The following CD83 variants were observed in gnomAD, a reference collection of about 807,000 sequenced individuals.
CD83 encodes CD83 antigen.
In CD83, 22 loss-of-function variants were observed where a neutral mutation model predicts 24.6. The ratio of observed to expected loss-of-function variants is 0.90; its 90% CI spans 0.64 to 1.28. CD83 has a LOEUF of 1.28. CD83 is among the 50% of genes most tolerant of loss of function. The probability of loss-of-function intolerance (pLI) is 0.00; values close to 1 mark genes in which losing one functional copy is unlikely to be tolerated. For missense variants in CD83, 253 were observed against 252.8 expected, an observed-to-expected ratio of 1.00 and a Z score of -0.01; for synonymous variants, 101 against 103.5, an observed-to-expected ratio of 0.98 and a Z score of 0.14.
chr6:14,131,584 A>G lies in CD83; in HGVS notation c.218A>G (p.Tyr73Cys), dbSNP rs1757901554. The G allele has an allele frequency of 4.3e-6, 7 of 1,614,094 alleles. No individual in the cohort carries two copies. The highest frequency in any genetic ancestry group is 1.3e-5 in the African/African-American group (1 of 74,918). The change falls in exon 3 of 5, where the codon TAT becomes TGT. Residue 73 changes from tyrosine (Y) to cysteine (C), a missense_variant. Physicochemically the swap from Tyr to Cys is radical, Grantham distance 194. Transcript: ENST00000379153. ...GAAGACCACCTCAGGGGACAGCACT[A>G]TCATCAGAAGGGGCAAAATGGTTCT... ...PQEDHLRGQH[Y>C]HQKGQNGSFD...
rs1419466894 is a variant in CD83, at chr6:14,129,451, T to A, written c.154-2069T>A. ...AAATGGTGCTAAATTAGATGTGTTC[T>A]GGAATCAGATGGACACTGTTAGTTT... On this transcript the variant is annotated intron_variant, in intron 2 of 4. Transcript: ENST00000379153. The surrounding 1 kb of genome is among the most constrained non-coding windows in gnomAD (Gnocchi z 4.3). 1.3e-5 allele frequency among the ~76,000 whole-genome samples: 2 copies of A among 152,236 alleles called. No individual in the cohort carries two copies. Among genetic ancestry groups the A allele is most frequent in the African/African-American group, 4.8e-5 (2 of 41,458 alleles).
Position 14,117,876 on chromosome 6 carries a change from T to C in CD83, c.37+28T>C. 1.3e-6 allele frequency: 2 copies of C among 1,577,150 alleles called. No individual in the cohort carries two copies. Among genetic ancestry groups the C allele is most frequent in the Non-Finnish European group, 1.7e-6 (2 of 1,167,860 alleles). On this transcript the variant is annotated intron_variant, in intron 1 of 4. Transcript: ENST00000379153. The surrounding 1 kb of genome is among the most constrained non-coding windows in gnomAD (Gnocchi z 4.6). ...AGGGCTCGCGAGCGCCTGTCTCGCC[T>C]GTCGCCCCCCGCCCCTCCACGACAC...
chr6:14,133,833 G>A (rs763051467), intron 4 of CD83, 78 bp downstream of exon 4: 24 of 946,686 alleles, frequency 2.5e-5, no homozygotes, highest in Non-Finnish European at 3.7e-5. Flanking sequence ...TGCAGATAGT[G>A]CGAATCATTT....
chr6:14,130,160 A>G (rs1431540282), intron 2 of CD83, among the ~76,000 whole-genome samples: 7 of 152,190 alleles, frequency 4.6e-5, no homozygotes, highest in Non-Finnish European at 1.0e-4. Flanking sequence ...GCTGGTCCCC[A>G]GCCAACCAGC....
At chr6:14,121,081 C>T (rs547567233) in intron 2 of CD83, among the ~76,000 whole-genome samples, 1 of 152,326 alleles carries the variant, frequency 6.6e-6, no homozygotes, top group Admixed American at 6.5e-5. Context: ...TCATCCCTTC[C>T]TCCCTTATAC....
intron 2 of CD83, among the ~76,000 whole-genome samples, chr6:14,126,703 A>C (rs1483161526): frequency 6.6e-6 from 1 of 152,254 alleles, no homozygotes; most frequent in Non-Finnish European, 1.5e-5. Context: ...CCTCTGAGCC[A>C]AACTATTTTG....
chr6:14,119,009 C>T (rs1759609820), intron 2 of CD83, among the ~76,000 whole-genome samples: 1 of 152,184 alleles, frequency 6.6e-6, no homozygotes, highest in Non-Finnish European at 1.5e-5. Flanking sequence ...TTCTTCTGCC[C>T]ACCATAAAAG....
At chr6:14,126,646 A>C (rs958838037) in intron 2 of CD83, among the ~76,000 whole-genome samples, 1 of 152,240 alleles carries the variant, frequency 6.6e-6, no homozygotes, top group African/African-American at 2.4e-5. Context: ...TACGCATAGA[A>C]AAAAAGATAT....
chr6:14,125,542 G>A (rs1759784547), intron 2 of CD83, among the ~76,000 whole-genome samples: 1 of 152,148 alleles, frequency 6.6e-6, no homozygotes, highest in Non-Finnish European at 1.5e-5. Flanking sequence ...CTTTGACTGG[G>A]TCACGTGCCT....
chr6:14,134,658 G>A (rs1424871928), intron 4 of CD83, among the ~76,000 whole-genome samples: 1 of 152,200 alleles, frequency 6.6e-6, no homozygotes, highest in East Asian at 1.9e-4. Flanking sequence ...ACTCCAGTGA[G>A]CACCTACTAT....
chr6:14,135,467 T>C lies in CD83; in HGVS notation c.*231T>C. On this transcript the variant is annotated 3_prime_UTR_variant, in exon 5 of 5. Coordinates refer to ENST00000379153, the MANE Select transcript of CD83 (RefSeq NM_004233.4). ...ACTGCTGCTTCTCCATGGCCACCTTTTCAGCGATGTATGCAGCTATCTGGT... is the reference window on the plus strand; with the variant it reads ...ACTGCTGCTTCTCCATGGCCACCTTCTCAGCGATGTATGCAGCTATCTGGT... 4.1e-6 allele frequency: 2 copies of C among 492,854 alleles called. No individual in the cohort carries two copies. Among genetic ancestry groups the C allele is most frequent in the Non-Finnish European group, 7.3e-6 (2 of 275,638 alleles). The allele number at this position is 492,854 out of a possible 1,614,324, so 30.5% of individuals were successfully genotyped here.
At chr6:14,119,109 G>T (rs3799927) in intron 2 of CD83, among the ~76,000 whole-genome samples, 71,795 of 151,588 alleles carry the variant, frequency 0.47, 17,233 homozygotes, top group Middle Eastern at 0.58. Flanking sequence ...CTAACTGGAT[G>T]GTCAGTTCCC....
Position 14,133,660 on chromosome 6 carries a change from C to T in CD83, c.394C>T (p.Gln132Ter). The T allele has an allele frequency of 6.2e-7, 1 of 1,608,988 alleles. No individual in the cohort carries two copies. The highest frequency in any genetic ancestry group is 8.5e-7 in the Non-Finnish European group (1 of 1,176,938). ...VILRVTGCPAQRKEETFKKYR... is the reference protein window; with the variant it reads ...VILRVTGCPA The stretch of plus-strand genomic sequence containing the variant: ...TTACTTTTTTAAAGGATGCCCTGCA[C>T]AGCGTAAAGAAGAGACTTTTAAGAA... The change falls in exon 4 of 5, where the codon CAG (glutamine) becomes TAG (stop). Residue 132 changes from glutamine (Q) to a stop codon, truncating the protein, a stop_gained. Transcript: ENST00000379153. LOFTEE classifies it high-confidence loss of function.
intron 2 of CD83, among the ~76,000 whole-genome samples, chr6:14,130,453 G>A (rs1353460859): frequency 2.0e-5 from 3 of 152,212 alleles, no homozygotes; most frequent in African/African-American, 4.8e-5. Context: ...AGCCGCGCAC[G>A]GTGGCTCACG....
chr6:14,120,918 G>A (rs1339500089), intron 2 of CD83, among the ~76,000 whole-genome samples: 4 of 152,192 alleles, frequency 2.6e-5, no homozygotes, highest in Admixed American at 6.5e-5. Context: ...CAAAGATGCA[G>A]TGAGATGGGC....
chr6:14,135,282 T>C lies in CD83; in HGVS notation c.*46T>C, dbSNP rs1349417826. 2 of 1,595,636 alleles carry C rather than the reference T, an allele frequency of 1.3e-6. No homozygotes were observed. Among genetic ancestry groups the C allele is most frequent in the Non-Finnish European group, 1.7e-6 (2 of 1,167,984 alleles). On this transcript the variant is annotated 3_prime_UTR_variant, in exon 5 of 5. Transcript: ENST00000379153. Reference sequence around the variant, plus strand: ...TCTTCCTGAAGCTGAGGCTCAGGGGTGTGCCTGTCTGTTACACTGGAGGAG... The same window carrying C: ...TCTTCCTGAAGCTGAGGCTCAGGGGCGTGCCTGTCTGTTACACTGGAGGAG...
intron 3 of CD83, among the ~76,000 whole-genome samples, chr6:14,133,292 T>G (rs1757963614): frequency 6.6e-6 from 1 of 152,246 alleles, no homozygotes; most frequent in Non-Finnish European, 1.5e-5. Context: ...ACATCCGAAG[T>G]GCAGGCAGAC....
At chr6:14,130,308 C>T (rs1437166882) in intron 2 of CD83, among the ~76,000 whole-genome samples, 1 of 152,156 alleles carries the variant, frequency 6.6e-6, no homozygotes, top group Non-Finnish European at 1.5e-5. Context: ...AGCAACTTAG[C>T]AAGTTAATTA....
intron 2 of CD83, among the ~76,000 whole-genome samples, chr6:14,126,288 AAG>A (rs1561830386): frequency 1.3e-5 from 2 of 152,224 alleles, no homozygotes; most frequent in African/African-American, 4.8e-5. Context: ...TTATAAAAAA[AAG>A]GAGAGAGAGA....
Sources: gnomAD v4.1 joint callset for allele counts (sites outside exome capture counted in the v4.1 genomes callset) on GRCh38, gnomAD v4.1.1 for gene constraint, Gnocchi (gnomAD v3.1) non-coding constraint, MANE v1.5 for transcripts, NCBI Gene and HGNC (gene_info 2026-07-23, HGNC 2026-07-21) for gene names.